The following FOXP2 variants were observed in gnomAD, a reference collection of about 807,000 sequenced individuals.
The protein encoded by FOXP2 is forkhead box P2.
In FOXP2, 12 loss-of-function variants were observed where a neutral mutation model predicts 115.8. That is an observed-to-expected ratio of 0.10 (90% CI 0.07 to 0.17). FOXP2 has a LOEUF of 0.17. FOXP2 is among the 10% of genes least tolerant of loss of function. The pLI, the probability that FOXP2 is intolerant of heterozygous loss-of-function variation, is 1.00. For missense variants in FOXP2, 629 were observed against 843.5 expected (o/e 0.75, Z 3.15); for synonymous variants, 328 against 297.7 (o/e 1.10, Z -1.05).
At chr7:114,338,977 C>T (rs1791128091) in intron 2 of FOXP2, among the ~76,000 whole-genome samples, 1 of 150,962 alleles carries the variant, frequency 6.6e-6, no homozygotes, top group Non-Finnish European at 1.5e-5. Flanking sequence ...GGAGGGTCCA[C>T]AAGGGATGAT....
At position 114,318,627 on chromosome 7, in the gene FOXP2, A is replaced by G. The variant is rs1797333789; in HGVS notation, c.-11+30518A>G. Among the ~76,000 whole-genome samples the G allele has an allele frequency of 2.0e-5, 3 of 151,776 alleles. No individual in the cohort carries two copies. The South Asian group carries it at 6.2e-4, about 31-fold the overall frequency. On this transcript the variant is annotated intron_variant, in intron 2 of 17. Transcript: ENST00000634411. The stretch of plus-strand genomic sequence containing the variant: ...ATAAACAGTGCAGTTACTCAAATAC[A>G]TTAAAGGAATAGTATTAACAATACA...
At chr7:114,547,443 C>G (rs1799982188) in intron 3 of FOXP2, among the ~76,000 whole-genome samples, 1 of 152,076 alleles carries the variant, frequency 6.6e-6, no homozygotes, top group African/African-American at 2.4e-5. Context: ...GAGATACCTG[C>G]TTGAGAAAAT....
intron 3 of FOXP2, among the ~76,000 whole-genome samples, chr7:114,588,261 C>T (rs1260790057): frequency 2.0e-5 from 3 of 151,790 alleles, no homozygotes; most frequent in African/African-American, 7.3e-5. Flanking sequence ...GAGCCAAGAT[C>T]GCACCACTGC....
chr7:114,558,286 A>C (rs578166137), intron 3 of FOXP2, among the ~76,000 whole-genome samples: 35 of 152,334 alleles, frequency 2.3e-4, no homozygotes, highest in Middle Eastern at 3.4e-3. Context: ...TATTTAAAAC[A>C]GTATCTTGTC....
At chr7:114,686,505 C>T (rs1029076473) in intron 16 of FOXP2, among the ~76,000 whole-genome samples, 1 of 152,126 alleles carries the variant, frequency 6.6e-6, no homozygotes, top group Non-Finnish European at 1.5e-5. Context: ...TAATGTTCGG[C>T]TTTTTAGAGG....
chr7:114,378,993 A>G (rs551156244), intron 2 of FOXP2, among the ~76,000 whole-genome samples: 1 of 152,172 alleles, frequency 6.6e-6, no homozygotes, highest in African/African-American at 2.4e-5. Flanking sequence ...GTTTCATTGA[A>G]AACAACAAAA....
intron 2 of FOXP2, among the ~76,000 whole-genome samples, chr7:114,468,139 A>T (rs933686293): frequency 6.6e-6 from 1 of 152,194 alleles, no homozygotes; most frequent in Admixed American, 6.5e-5. Flanking sequence ...TAGTGACAGT[A>T]GGCACTTTAA....
In FOXP2 at chr7:114,281,095, AT is replaced by A. The variant is rs71157578; in HGVS notation, c.-101-6900del. Among the ~76,000 whole-genome samples the A allele has an allele frequency of 8.3e-3, 768 of 92,884 alleles. 5 individuals are homozygous for A. Among genetic ancestry groups the A allele is most frequent in the African/African-American group, 0.026 (678 of 25,616 alleles). 60.9% of individuals were successfully genotyped at this position (92,884 alleles called of 152,430 possible). ...GAGAAAGGCTTTTTATGCAATTTGA[AT>A]TTTTTTTTTTTTTTTTTTTTTTTGA... On this transcript the variant is annotated intron_variant, in intron 1 of 17. Transcript: ENST00000634411.
intron 1 of FOXP2, among the ~76,000 whole-genome samples, chr7:114,100,006 CATA>C (rs1799742684): frequency 6.6e-6 from 1 of 151,958 alleles, no homozygotes; most frequent in African/African-American, 2.4e-5. Context: ...ATGTATATTC[CATA>C]ATATCATGTT....
intron 8 of FOXP2, among the ~76,000 whole-genome samples, chr7:114,646,889 C>T (rs904951716): frequency 2.6e-5 from 4 of 151,900 alleles, no homozygotes; most frequent in South Asian, 2.1e-4. Context: ...ATAATCACTT[C>T]GACAGATTTT....
At chr7:114,600,018 T>C (rs986766484) in intron 3 of FOXP2, among the ~76,000 whole-genome samples, 1 of 152,152 alleles carries the variant, frequency 6.6e-6, no homozygotes, top group East Asian at 1.9e-4. Flanking sequence ...TGAAGTAATA[T>C]GAATATGTTA....
intron 1 of FOXP2, among the ~76,000 whole-genome samples, chr7:114,111,734 A>C (rs1000092286): frequency 1.2e-4 from 19 of 152,056 alleles, no homozygotes; most frequent in Admixed American, 2.6e-4. Context: ...GGTTGGAGGA[A>C]GAGATCTGTA....
intron 2 of FOXP2, among the ~76,000 whole-genome samples, chr7:114,452,959 T>G (rs1795134690): frequency 6.6e-6 from 1 of 152,148 alleles, no homozygotes; most frequent in Non-Finnish European, 1.5e-5. Flanking sequence ...TTGAGCTAAT[T>G]AAACTGTTTA....
At chr7:114,422,267 G>A (rs1043704494) in intron 1 of FOXP2, among the ~76,000 whole-genome samples, 1 of 151,644 alleles carries the variant, frequency 6.6e-6, no homozygotes, top group Non-Finnish European at 1.5e-5. Flanking sequence ...TTTAAGAAAA[G>A]TTGACGAAAT....
chr7:114,462,147 G>C (rs1384393213), intron 2 of FOXP2, among the ~76,000 whole-genome samples: 1 of 151,138 alleles, frequency 6.6e-6, no homozygotes, highest in African/African-American at 2.4e-5. Context: ...CGGGCGCGGT[G>C]GCACGTGCCT....
At chr7:114,153,970 C>G (rs1792592411) in intron 1 of FOXP2, among the ~76,000 whole-genome samples, 1 of 152,060 alleles carries the variant, frequency 6.6e-6, no homozygotes, top group South Asian at 2.1e-4. Context: ...CAGATGGAAG[C>G]ATGGAGATAA....
chr7:114,283,979 A>G (rs1291064477), intron 1 of FOXP2, among the ~76,000 whole-genome samples: 1 of 152,148 alleles, frequency 6.6e-6, no homozygotes, highest in Non-Finnish European at 1.5e-5. Flanking sequence ...AGAGCAAAAC[A>G]AAACAAAACA....
At chr7:114,642,265 T>C in intron 6 of FOXP2, 145 bp from the exon 7 acceptor site, 2 of 683,642 alleles carry the variant, frequency 2.9e-6, no homozygotes, top group Admixed American at 4.6e-5. Context: ...GTGCTGATAG[T>C]GTAAAAGTGA....
Position 114,691,531 on chromosome 7 carries a change from C to A in FOXP2, c.*1605C>A, listed in dbSNP as rs1284825117. ...TGGAATGCTGGTTTTCTTGACAATT[C>A]CAAACCCCAAAACTATGATAATGAG... On this transcript the variant is annotated 3_prime_UTR_variant, in exon 17 of 17. Coordinates refer to ENST00000350908, the MANE Select transcript of FOXP2 (RefSeq NM_014491.4). The A allele has an allele frequency of 6.6e-6, 3 of 453,812 alleles. No homozygotes were observed. The highest frequency in any genetic ancestry group is 2.0e-5 in the African/African-American group (1 of 49,954). The allele number at this position is 453,812 out of a possible 1,614,324, so 28.1% of individuals were successfully genotyped here.
Sources: gnomAD v4.1 joint callset for allele counts (sites outside exome capture counted in the v4.1 genomes callset) on GRCh38, gnomAD v4.1.1 for gene constraint, MANE v1.5 for transcripts, NCBI Gene and HGNC (gene_info 2026-07-23, HGNC 2026-07-21) for gene names.